The following DGKQ variants were observed in gnomAD, a reference collection of about 807,000 sequenced individuals.
The protein encoded by DGKQ is DAG kinase theta.
DGKQ carries 97 observed loss-of-function variants against 104.2 expected under a neutral mutation model. The observed-to-expected ratio is 0.93, with a 90% CI of 0.79 to 1.10. DGKQ has a LOEUF of 1.10. DGKQ is among the 50% of genes least tolerant of loss of function. The probability of loss-of-function intolerance (pLI) is 0.00; values close to 1 mark genes in which losing one functional copy is unlikely to be tolerated. For synonymous variants in DGKQ, 736 were observed against 595.2 expected, an observed-to-expected ratio of 1.24 and a Z score of -3.44; for missense variants, 1,465 against 1,352.1, an observed-to-expected ratio of 1.08 and a Z score of -1.31.
chr4:960,300 C>T lies in DGKQ; in HGVS notation c.*320G>A, dbSNP rs369804654. On this transcript the variant is annotated 3_prime_UTR_variant, in exon 23 of 23. Coordinates refer to ENST00000273814, the MANE Select transcript of DGKQ (RefSeq NM_001347.4). ...GGCTCAGTGGGGAGAGGGATGGGTG[C>T]CCACCCCTGAGGAGAGGACCAGGCC... 4.8e-6 allele frequency: 2 copies of T among 414,654 alleles called. No individual in the cohort carries two copies. Among genetic ancestry groups the T allele is most frequent in the East Asian group, 4.0e-5 (1 of 25,120 alleles). 25.7% of individuals were successfully genotyped at this position (414,654 alleles called of 1,614,324 possible).
Position 966,109 on chromosome 4 carries a change from G to T in DGKQ, c.1429-31C>A, listed in dbSNP as rs1214920261. 6 of 1,568,284 alleles carry T rather than the reference G, an allele frequency of 3.8e-6. No homozygotes were observed. The East Asian group carries it at 1.1e-4, about 30-fold the overall frequency. Reference sequence around the variant, plus strand: ...GGGAGAGGGGCGGGGATGCTGGGCCGGGGAGAACGGCACCACCGCACCAGG... The same window carrying T: ...GGGAGAGGGGCGGGGATGCTGGGCCTGGGAGAACGGCACCACCGCACCAGG... On this transcript the variant is annotated intron_variant, in intron 12 of 22. Transcript: ENST00000273814.
intron 14 of DGKQ, 85 bp from the exon 15 acceptor site, chr4:965,376 C>T: frequency 6.4e-7 from 1 of 1,553,220 alleles, no homozygotes; most frequent in Non-Finnish European, 8.8e-7. Context: ...GACGTTTCCC[C>T]AGCCCAGGGC....
chr4:963,506 G>A (rs1328265325), intron 15 of DGKQ, among the ~76,000 whole-genome samples: 1 of 152,212 alleles, frequency 6.6e-6, no homozygotes, highest in African/African-American at 2.4e-5. Context: ...CGGCACTGAG[G>A]ACAGCCGGCT....
chr4:961,342 G>T, intron 21 of DGKQ, 125 bp downstream of exon 21: 2 of 1,263,412 alleles, frequency 1.6e-6, no homozygotes, highest in South Asian at 1.6e-5. Context: ...GAGGCCAGCC[G>T]GGCTCAGCGG....
At chr4:966,205 G>A (rs916155359) in intron 12 of DGKQ, 127 bp from the exon 13 acceptor site, 8 of 1,079,438 alleles carry the variant, frequency 7.4e-6, no homozygotes, top group Non-Finnish European at 9.3e-6. Flanking sequence ...AAGTCAACAG[G>A]AAAACGAGGA....
At position 963,144 on chromosome 4, in the gene DGKQ, A is replaced by G. The variant is rs950801791; in HGVS notation, c.1881T>C (p.Leu627=). 1 of 1,596,642 alleles carries G rather than the reference A, an allele frequency of 6.3e-7. No homozygotes were observed. Among genetic ancestry groups the G allele is most frequent in the African/African-American group, 1.3e-5 (1 of 74,604 alleles). Residue 627 remains leucine (L), a synonymous_variant, in exon 16 of 23, where the codon CTT becomes CTC. Transcript: ENST00000273814. ...AGGGGTCCTGCTGGACTCACCCGGG[A>G]AGAGGACCTCCGTTGGTCAGGTCGA... ...QVFDLTNGGP[L]PGLHLFSQVP...
chr4:961,733 A>G lies in DGKQ; in HGVS notation c.2417T>C (p.Val806Ala). The G allele has an allele frequency of 1.2e-6, 2 of 1,612,254 alleles. No homozygotes were observed. The highest frequency in any genetic ancestry group is 1.1e-5 in the South Asian group (1 of 91,070). The change falls in exon 20 of 23, where the codon GTG becomes GCG. Residue 806 changes from valine (V) to alanine (A), a missense_variant. By Grantham distance (64) the Val-to-Ala change is moderately conservative. Coordinates refer to ENST00000273814, the MANE Select transcript of DGKQ (RefSeq NM_001347.4). ...QIRLQVERQE[V>A]ELPSIEGLIF... ...GAGGCCTTCAATACTGGGCAGCTCC[A>G]CCTCCTGCCGCTCCACCTGCAGCCG...
At position 968,658 on chromosome 4, in the gene DGKQ, C is replaced by T. The variant is rs1712668279; in HGVS notation, c.452-94G>A. On this transcript the variant is annotated intron_variant, in intron 3 of 22. Transcript: ENST00000273814. ...TCTGCCCCATCCCCACCACCTAGCA[C>T]CCTGCATCCTTTAAGTGTCCTGTGG... is the stretch of plus-strand genomic sequence containing the variant. The T allele has an allele frequency of 4.3e-6, 6 of 1,388,630 alleles. No homozygotes were observed. In the Admixed American group the frequency reaches 6.7e-5, roughly 16 times the overall value. 86.0% of individuals were successfully genotyped at this position (1,388,630 alleles called of 1,614,324 possible). A position where few individuals can be genotyped will look rare whatever the true frequency, so the allele number is the denominator to read the frequency against.
chr4:963,092 T>A (rs1242153474), intron 16 of DGKQ, 47 bp downstream of exon 16: 11 of 1,552,438 alleles, frequency 7.1e-6, no homozygotes, highest in Non-Finnish European at 9.6e-6. Context: ...CCTGGGGCCC[T>A]TCCCGCCCCT....
At chr4:972,242 T>G (rs1266743263) in intron 1 of DGKQ, among the ~76,000 whole-genome samples, 5 of 151,756 alleles carry the variant, frequency 3.3e-5, no homozygotes, top group Admixed American at 2.0e-4. Flanking sequence ...ACATGCACAC[T>G]CCCCACCTCT....
chr4:963,326 A>AAGGTGGGGTGTCCCCAC, intron 15 of DGKQ, 36 bp from the exon 16 acceptor site: 1 of 1,569,436 alleles, frequency 6.4e-7, no homozygotes, highest in Non-Finnish European at 8.7e-7. Flanking sequence ...ATGGGGACCC[A>AAGGTGGGGTGTCCCCAC]AGGTGGGGTG....
chr4:968,256 C>G, intron 5 of DGKQ, 26 bp downstream of exon 5: 2 of 1,282,498 alleles, frequency 1.6e-6, no homozygotes, highest in Non-Finnish European at 1.1e-6. Flanking sequence ...GCCCCACCCC[C>G]ACCCCCTCGA....
In DGKQ at chr4:973,393, G is replaced by A; in HGVS notation, c.90C>T (p.Gly30=). The A allele has an allele frequency of 2.8e-6, 3 of 1,064,498 alleles. No individual in the cohort carries two copies. The highest frequency in any genetic ancestry group is 8.7e-5 in the South Asian group (2 of 23,078). The allele number at this position is 1,064,498 out of a possible 1,614,324, so 65.9% of individuals were successfully genotyped here. A position where few individuals can be genotyped will look rare whatever the true frequency, so the allele number is the denominator to read the frequency against. The part of the protein sequence containing the change: ...PGSPACSPVL[G]SGGRARPGPG... ...GCCCCGGGCGCGCGCGGCCTCCTGAGCCCAGCACGGGGCTGCAGGCCGGGC... is the reference window on the plus strand; with the variant it reads ...GCCCCGGGCGCGCGCGGCCTCCTGAACCCAGCACGGGGCTGCAGGCCGGGC... The change falls in exon 1 of 23, where the codon GGC becomes GGT. Residue 30 remains glycine (G), a synonymous_variant. Transcript: ENST00000273814.
At chr4:960,794 T>C in intron 22 of DGKQ, 73 bp from the exon 23 acceptor site, 1 of 1,568,994 alleles carries the variant, frequency 6.4e-7, no homozygotes, top group South Asian at 1.1e-5. Flanking sequence ...CAGCCCCCGG[T>C]CCTGGGGCCC....
Position 961,569 on chromosome 4 carries a change from CGAGCCCCA to C in DGKQ, c.2464_2471del (p.Trp822GlyfsTer14). ...TGTCGGAGCCCCACAGGTCGGCCCC[CGAGCCCCA>C]GCTGCCGCATAAGAGAGCGGGCACA... On this transcript the variant is annotated frameshift_variant and splice_region_variant, in exon 21 of 23. Transcript: ENST00000273814. LOFTEE classifies it high-confidence loss of function. The C allele has an allele frequency of 6.2e-7, 1 of 1,608,786 alleles. No homozygotes were observed. Among genetic ancestry groups the C allele is most frequent in the Non-Finnish European group, 8.5e-7 (1 of 1,178,452 alleles).
intron 18 of DGKQ, 56 bp downstream of exon 18, chr4:962,379 G>T: frequency 6.7e-7 from 1 of 1,482,898 alleles, no homozygotes; most frequent in Non-Finnish European, 9.0e-7. Flanking sequence ...TGTGACGCGT[G>T]TAGCGGGGTC....
At position 963,181 on chromosome 4, in the gene DGKQ, G is replaced by A; in HGVS notation, c.1844C>T (p.Pro615Leu). The A allele has an allele frequency of 1.2e-6, 2 of 1,610,566 alleles. No homozygotes were observed. The highest frequency in any genetic ancestry group is 1.7e-6 in the Non-Finnish European group (2 of 1,178,126). Residue 615 changes from proline to leucine, a missense_variant, in exon 16 of 23, where the codon CCT becomes CTT. Pro to Leu is a moderately conservative substitution (Grantham distance 98). Coordinates refer to ENST00000273814, the MANE Select transcript of DGKQ (RefSeq NM_001347.4). ...LLCSFRKLLN[P>L]HQVFDLTNGG... The stretch of plus-strand genomic sequence containing the variant: ...GTTGGTCAGGTCGAAGACCTGATGA[G>A]GGTTCAGTAGCTTCCGGAAGCTGCA...
chr4:970,510 C>T (rs1277633412), intron 2 of DGKQ, among the ~76,000 whole-genome samples: 13 of 152,206 alleles, frequency 8.5e-5, no homozygotes, highest in Non-Finnish European at 1.3e-4. Flanking sequence ...GGCTTCCTGC[C>T]TTTGCTTTTT....
chr4:961,144 G>A lies in DGKQ; in HGVS notation c.2632C>T (p.Arg878Ter), dbSNP rs775584332. The A allele has an allele frequency of 4.4e-6, 7 of 1,605,948 alleles. No individual in the cohort carries two copies. The highest frequency in any genetic ancestry group is 2.2e-5 in the East Asian group (1 of 44,642). Residue 878 changes from arginine (R) to a stop codon, truncating the protein, a stop_gained, in exon 22 of 23, where the codon CGA (arginine) becomes TGA (stop). Coordinates refer to ENST00000273814, the MANE Select transcript of DGKQ (RefSeq NM_001347.4). LOFTEE classifies it high-confidence loss of function. ...GGGGTGGCCTTGAGGAGCGTGACTC[G>A]GAAGTAGGAACCCTGGGCAATCCGG... is the stretch of plus-strand genomic sequence containing the variant. ...GIRIAQGSYF[R>*]VTLLKATPVQ...
Sources: gnomAD v4.1 joint callset for allele counts (sites outside exome capture counted in the v4.1 genomes callset) on GRCh38, gnomAD v4.1.1 for gene constraint, MANE v1.5 for transcripts, NCBI Gene and HGNC (gene_info 2026-07-23, HGNC 2026-07-21) for gene names.